The following ZNG1A variants were observed in gnomAD, a reference collection of about 807,000 sequenced individuals.
ZNG1A encodes the protein Zn regulated GTPase metalloprotein activator 1A, also known as zinc-regulated GTPase metalloprotein activator 1A.
At chr9:175,826 T>A in the ZNG1A span, 1 of 617,934 alleles carries the variant, frequency 1.6e-6, no homozygotes, top group Non-Finnish European at 2.9e-6. Flanking sequence ...TTCAAAATAA[T>A]TTTAAAGATA....
the ZNG1A span, chr9:146,250 T>C: frequency 3.6e-5 from 54 of 1,518,070 alleles, no homozygotes; most frequent in Non-Finnish European, 4.2e-5. Flanking sequence ...AAAAATTTTA[T>C]ACATAAAATT....
At chr9:132,361 A>AG in the ZNG1A span, among the ~76,000 whole-genome samples, 163 of 132,958 alleles carry the variant, frequency 1.2e-3, 3 homozygotes, top group Non-Finnish European at 2.1e-3. Flanking sequence ...CTAAAAAAAA[A>AG]AAAAAAAATA....
the ZNG1A span, chr9:159,954 G>A: frequency 5.2e-6 from 2 of 383,010 alleles, no homozygotes; most frequent in Admixed American, 6.5e-5. Flanking sequence ...TGTTTCAACA[G>A]ATTGTGCAAT....
the ZNG1A span, among the ~76,000 whole-genome samples, chr9:132,555 AAAAC>A: frequency 1.2e-5 from 1 of 85,250 alleles, no homozygotes; most frequent in African/African-American, 5.0e-5. Flanking sequence ...CAAAAAAACA[AAAAC>A]AAAAACAAAA....
chr9:131,327 T>C, the ZNG1A span, among the ~76,000 whole-genome samples: 1 of 147,942 alleles, frequency 6.8e-6, no homozygotes, highest in African/African-American at 2.6e-5. Context: ...AGGAACAACT[T>C]ACTCAGGTTT....
the ZNG1A span, among the ~76,000 whole-genome samples, chr9:126,696 G>A: frequency 1.3e-5 from 2 of 150,856 alleles, no homozygotes; most frequent in Non-Finnish European, 3.0e-5. Context: ...TTGTTGTTTT[G>A]TTTCAATTTC....
the ZNG1A span, among the ~76,000 whole-genome samples, chr9:159,796 T>A: frequency 2.0e-5 from 3 of 152,042 alleles, no homozygotes; most frequent in South Asian, 2.1e-4. Flanking sequence ...ATGTCTGGTG[T>A]CATTTTTAAA....
the ZNG1A span, among the ~76,000 whole-genome samples, chr9:125,180 G>C: frequency 1.3e-5 from 2 of 151,596 alleles, no homozygotes; most frequent in East Asian, 3.9e-4. Context: ...CAGCAGTGTA[G>C]AAGTGTTCCG....
the ZNG1A span, among the ~76,000 whole-genome samples, chr9:178,137 C>G: frequency 6.6e-6 from 1 of 151,004 alleles, no homozygotes; most frequent in African/African-American, 2.4e-5. Flanking sequence ...TAAGAAACTT[C>G]TAGTGTAAGT....
At chr9:127,080 G>A in the ZNG1A span, among the ~76,000 whole-genome samples, 1 of 152,072 alleles carries the variant, frequency 6.6e-6, no homozygotes, top group South Asian at 2.1e-4. Flanking sequence ...AATTTATTGA[G>A]GCTCATTTTG....
chr9:164,014 C>T, the ZNG1A span: 6 of 1,596,820 alleles, frequency 3.8e-6, no homozygotes, highest in Non-Finnish European at 5.1e-6. Flanking sequence ...TCAGCATCAA[C>T]CCAAAACATA....
At chr9:122,242 T>G in the ZNG1A span, 3 of 1,426,568 alleles carry the variant, frequency 2.1e-6, no homozygotes, top group African/African-American at 4.3e-5. Flanking sequence ...CAATTATTTG[T>G]GAATTACAAG....
the ZNG1A span, among the ~76,000 whole-genome samples, chr9:178,028 TTTC>T: frequency 6.7e-6 from 1 of 148,842 alleles, no homozygotes; most frequent in Non-Finnish European, 1.5e-5. Flanking sequence ...TTTATTTATA[TTTC>T]TTAACTTTTT....
chr9:159,360 T>A, the ZNG1A span, among the ~76,000 whole-genome samples: 5 of 149,376 alleles, frequency 3.3e-5, no homozygotes, highest in African/African-American at 1.2e-4. Context: ...CATGGAGAGC[T>A]AATTACAGCA....
At chr9:145,996 A>G in the ZNG1A span, 2 of 1,056,784 alleles carry the variant, frequency 1.9e-6, no homozygotes, top group Non-Finnish European at 2.7e-6. Flanking sequence ...TGCCAAAGGA[A>G]TGGCAGGAAG....
At chr9:123,820 G>A in the ZNG1A span, 2 of 191,160 alleles carry the variant, frequency 1.0e-5, no homozygotes, top group Non-Finnish European at 1.1e-5. Context: ...AGGTACTTTT[G>A]CCTGAGTCAC....
At chr9:145,491 T>A in the ZNG1A span, among the ~76,000 whole-genome samples, 51 of 136,586 alleles carry the variant, frequency 3.7e-4, no homozygotes, top group African/African-American at 1.4e-3. Context: ...AGGTGGGAAT[T>A]GAACAATGAG....
At chr9:166,457 G>T in the ZNG1A span, 5 of 152,290 alleles carry the variant, frequency 3.3e-5, no homozygotes, top group South Asian at 1.0e-3. Flanking sequence ...ATGTATTACA[G>T]CCTGACAAAA....
At chr9:147,381 CAT>C in the ZNG1A span, 2 of 61,110 alleles carry the variant, frequency 3.3e-5, no homozygotes, top group Admixed American at 1.2e-4. Flanking sequence ...AATGCACAAA[CAT>C]ATAAGAAAAA....
Sources: allele counts gnomAD v4.1 joint callset (sites outside exome capture counted in the v4.1 genomes callset), GRCh38; gene constraint gnomAD v4.1.1; transcripts MANE v1.5; gene names NCBI Gene and HGNC (gene_info 2026-07-23, HGNC 2026-07-21).